Variants in CSMD1 observed in about 807,000 individuals in gnomAD.
CSMD1 encodes the protein CUB and Sushi multiple domains 1.
Under a neutral mutation model 417.5 loss-of-function variants are expected in CSMD1, and 213 were observed. That is an observed-to-expected ratio of 0.51 (90% CI 0.46 to 0.57). The LOEUF (loss-of-function observed/expected upper bound fraction) is 0.57. Among genes scored for constraint, CSMD1 ranks in the 20% least tolerant of loss-of-function variants. The probability of loss-of-function intolerance (pLI) is 0.00; values close to 1 mark genes in which losing one functional copy is unlikely to be tolerated. For synonymous variants in CSMD1, 2,862 were observed against 1,736.8 expected (o/e 1.65, Z -16.11); for missense variants, 6,923 against 4,529.7 (o/e 1.53, Z -15.17).
chr8:3,837,818 C>T (rs1014392700), intron 5 of CSMD1, among the ~76,000 whole-genome samples: 7 of 152,108 alleles, frequency 4.6e-5, no homozygotes, highest in Admixed American at 1.3e-4. Flanking sequence ...CCAGTGCTTC[C>T]CTCTCTATAG....
chr8:4,322,830 C>G (rs1442498508), intron 3 of CSMD1, among the ~76,000 whole-genome samples: 1 of 152,080 alleles, frequency 6.6e-6, no homozygotes, highest in African/African-American at 2.4e-5. Context: ...CCCCAACTCT[C>G]CTACAAACAC....
At chr8:4,282,594 G>C (rs538563680) in intron 3 of CSMD1, among the ~76,000 whole-genome samples, 1 of 152,188 alleles carries the variant, frequency 6.6e-6, no homozygotes, top group African/African-American at 2.4e-5. Flanking sequence ...GATCTTAGAA[G>C]ATTACAGTCA....
intron 5 of CSMD1, among the ~76,000 whole-genome samples, chr8:3,886,605 C>T (rs1008445705): frequency 6.6e-6 from 1 of 152,130 alleles, no homozygotes; most frequent in African/African-American, 2.4e-5. Context: ...TCCCTGGAGT[C>T]AGATTTGGCC....
At chr8:4,354,528 T>A (rs1584946779) in intron 3 of CSMD1, among the ~76,000 whole-genome samples, 1 of 152,002 alleles carries the variant, frequency 6.6e-6, no homozygotes, top group African/African-American at 2.4e-5. Context: ...CACTTGATGT[T>A]GTGGAAAAGC....
chr8:3,312,544 C>G (rs1205255651), intron 23 of CSMD1, among the ~76,000 whole-genome samples: 2 of 152,140 alleles, frequency 1.3e-5, no homozygotes, highest in African/African-American at 2.4e-5. Context: ...TTTGTTCTCT[C>G]AAAGCTCCTC....
chr8:3,913,807 C>G (rs1031153807), intron 5 of CSMD1, among the ~76,000 whole-genome samples: 1 of 152,108 alleles, frequency 6.6e-6, no homozygotes, highest in Non-Finnish European at 1.5e-5. Context: ...CACCAGAGTA[C>G]TAGAGTATTA....
intron 25 of CSMD1, among the ~76,000 whole-genome samples, chr8:3,285,835 A>T (rs186593643): frequency 1.5e-3 from 229 of 151,148 alleles, no homozygotes; most frequent in African/African-American, 5.0e-3. Flanking sequence ...ATATATATAT[A>T]TTTTATTATT....
At chr8:3,977,620 G>A (rs1255699310) in intron 5 of CSMD1, among the ~76,000 whole-genome samples, 1 of 152,198 alleles carries the variant, frequency 6.6e-6, no homozygotes, top group Admixed American at 6.5e-5. Context: ...GTGCTAAGAA[G>A]AGCATTGCCA....
At chr8:3,503,659 A>G (rs1015371226) in intron 10 of CSMD1, among the ~76,000 whole-genome samples, 3 of 152,234 alleles carry the variant, frequency 2.0e-5, no homozygotes, top group Non-Finnish European at 4.4e-5. Flanking sequence ...TGCTACAGAG[A>G]GAATTAGTCT....
intron 5 of CSMD1, among the ~76,000 whole-genome samples, chr8:3,855,398 A>G (rs771572975): frequency 6.6e-6 from 1 of 152,138 alleles, no homozygotes; most frequent in Non-Finnish European, 1.5e-5. Flanking sequence ...AATAAAAACA[A>G]CAAAAATAAA....
chr8:4,841,613 A>T (rs1196551284), intron 1 of CSMD1, among the ~76,000 whole-genome samples: 1 of 152,134 alleles, frequency 6.6e-6, no homozygotes, highest in African/African-American at 2.4e-5. Context: ...AAATAATCAT[A>T]TAGAAGTTCA....
At chr8:4,389,989 A>G (rs1803732522) in intron 3 of CSMD1, among the ~76,000 whole-genome samples, 1 of 152,182 alleles carries the variant, frequency 6.6e-6, no homozygotes, top group South Asian at 2.1e-4. Flanking sequence ...ATTTAGGAAT[A>G]TTTTTTAACT....
At chr8:3,933,334 C>G (rs555840462) in intron 5 of CSMD1, among the ~76,000 whole-genome samples, 1 of 152,168 alleles carries the variant, frequency 6.6e-6, no homozygotes, top group Non-Finnish European at 1.5e-5. Flanking sequence ...CATTAAATTA[C>G]TTGAACCATT....
intron 1 of CSMD1, among the ~76,000 whole-genome samples, chr8:4,914,738 A>T (rs1805937069): frequency 6.6e-6 from 1 of 152,168 alleles, no homozygotes; most frequent in Non-Finnish European, 1.5e-5. Context: ...CACACTTAAG[A>T]GGCTAATGTG....
chr8:4,807,768 T>A (rs1363655381), intron 1 of CSMD1, among the ~76,000 whole-genome samples: 1 of 152,178 alleles, frequency 6.6e-6, no homozygotes, highest in East Asian at 1.9e-4. Flanking sequence ...GTATGTAAAC[T>A]ATCAGCTCTA....
At chr8:4,419,544 A>C (rs546182632) in intron 3 of CSMD1, among the ~76,000 whole-genome samples, 1 of 152,298 alleles carries the variant, frequency 6.6e-6, no homozygotes, top group African/African-American at 2.4e-5. Context: ...AGCTTTGACA[A>C]CAAAAGTTCA....
At position 3,387,603 on chromosome 8, in the gene CSMD1, G is replaced by C. The variant is rs1158650107; in HGVS notation, c.2673C>G (p.Ile891Met). 6.9e-6 allele frequency: 11 copies of C among 1,601,856 alleles called. No homozygotes were observed. The highest frequency in any genetic ancestry group is 9.4e-6 in the Non-Finnish European group (11 of 1,174,124). ...CACAGCTGAAAGTCACTGTGGACCTGATGCCAAAGTCTCCACCGTGGCGAT... is the reference window on the plus strand; with the variant it reads ...CACAGCTGAAAGTCACTGTGGACCTCATGCCAAAGTCTCCACCGTGGCGAT... ...NGHRHGGDFG[I>M]RSTVTFSCDP... The change falls in exon 18 of 70, where the codon ATC becomes ATG. Residue 891 changes from isoleucine to methionine, a missense_variant. Ile to Met is a conservative substitution (Grantham distance 10, BLOSUM62 1). Transcript: ENST00000635120.
chr8:4,271,832 G>A (rs1284926100), intron 3 of CSMD1, among the ~76,000 whole-genome samples: 3 of 152,232 alleles, frequency 2.0e-5, no homozygotes, highest in African/African-American at 4.8e-5. Context: ...ACTTGGTCCT[G>A]GCAGCGCTAT....
rs575729888 is a variant in CSMD1, at chr8:4,970,283, G to A, written c.85+24049C>T. ...CTCTTTGATCTGCCTGTAAGTGATA[G>A]ATCATTTGTCTGTAAAATGGGAATA... On this transcript the variant is annotated intron_variant, in intron 1 of 69. Transcript: ENST00000635120. 3.3e-5 allele frequency among the ~76,000 whole-genome samples: 5 copies of A among 152,184 alleles called. No homozygotes were observed. The East Asian group carries it at 9.7e-4, about 29-fold the overall frequency.
Sources: gnomAD v4.1 joint callset for allele counts (sites outside exome capture counted in the v4.1 genomes callset) on GRCh38, gnomAD v4.1.1 for gene constraint, MANE v1.5 for transcripts, NCBI Gene and HGNC (gene_info 2026-07-23, HGNC 2026-07-21) for gene names.